Variants in UBR1 observed in about 807,000 individuals in gnomAD.
UBR1 encodes ubiquitin protein ligase E3 component n-recognin 1.
In UBR1, 102 loss-of-function variants were observed where a neutral mutation model predicts 242.1. The ratio of observed to expected loss-of-function variants is 0.42; its 90% CI spans 0.36 to 0.50. UBR1 has a LOEUF of 0.50. UBR1 is among the 20% of genes least tolerant of loss of function. The probability of loss-of-function intolerance (pLI) is 0.01; values close to 1 mark genes in which losing one functional copy is unlikely to be tolerated. For synonymous variants in UBR1, 675 were observed against 684.8 expected, an observed-to-expected ratio of 0.99 and a Z score of 0.22; for missense variants, 1,772 against 2,101.8, an observed-to-expected ratio of 0.84 and a Z score of 3.07.
At chr15:42,956,194 G>T (rs1055602504) in intron 44 of UBR1, among the ~76,000 whole-genome samples, 1 of 152,152 alleles carries the variant, frequency 6.6e-6, no homozygotes, top group Non-Finnish European at 1.5e-5. Flanking sequence ...TTTAATAACG[G>T]TTCTTGTGGC....
chr15:43,074,845 A>C (rs2033867948), intron 4 of UBR1, 134 bp downstream of exon 4: 1 of 710,752 alleles, frequency 1.4e-6, no homozygotes, highest in Non-Finnish European at 2.5e-6. Context: ...GCTAGAAAAA[A>C]AGCCTCCTTA....
chr15:43,012,537 G>A (rs1272094694), intron 29 of UBR1, among the ~76,000 whole-genome samples: 1 of 152,146 alleles, frequency 6.6e-6, no homozygotes, highest in African/African-American at 2.4e-5. Context: ...AAAATCACAT[G>A]TCCAATTAAT....
At chr15:43,030,203 T>C (rs1288496152) in intron 20 of UBR1, 135 bp from the exon 21 acceptor site, 3 of 989,368 alleles carry the variant, frequency 3.0e-6, no homozygotes, top group Non-Finnish European at 4.5e-6. Context: ...GTTATTTGAA[T>C]GTGTTCCCAA....
chr15:43,093,468 ATAT>A (rs1421606286), intron 1 of UBR1, among the ~76,000 whole-genome samples: 1 of 152,160 alleles, frequency 6.6e-6, no homozygotes, highest in Non-Finnish European at 1.5e-5. Flanking sequence ...TTTTCTTCTA[ATAT>A]TATTCTACAG....
intron 27 of UBR1, among the ~76,000 whole-genome samples, chr15:43,018,680 T>C (rs1287616759): frequency 6.6e-6 from 1 of 152,192 alleles, no homozygotes; most frequent in African/African-American, 2.4e-5. Flanking sequence ...TGTGAGTCAC[T>C]GTGCCCAGTA....
rs2032063053 is a variant in UBR1, at chr15:42,963,929, T to A, written c.4700+6A>T. On this transcript the variant is annotated splice_donor_region_variant and intron_variant, in intron 42 of 46. Coordinates refer to ENST00000290650, the MANE Select transcript of UBR1 (RefSeq NM_174916.3). ...ACCCAACAACAATATTTTATCCCCA[T>A]AGTACCTCTGGAGCAAGGGCCTTAC... The A allele has an allele frequency of 1.3e-6, 2 of 1,588,152 alleles. No individual in the cohort carries two copies. The highest frequency in any genetic ancestry group is 2.2e-5 in the South Asian group (2 of 90,522).
chr15:42,996,839 A>T (rs2032648666), intron 33 of UBR1, among the ~76,000 whole-genome samples: 1 of 152,242 alleles, frequency 6.6e-6, no homozygotes, highest in South Asian at 2.1e-4. Flanking sequence ...TATTTTGAGT[A>T]GAATACCTAG....
At chr15:42,961,547 C>T (rs757579506) in intron 42 of UBR1, among the ~76,000 whole-genome samples, 2 of 151,758 alleles carry the variant, frequency 1.3e-5, no homozygotes, top group Admixed American at 6.6e-5. Flanking sequence ...CCTCAGCTCC[C>T]GAGCAGCTGG....
Position 43,025,002 on chromosome 15 carries a change from G to C in UBR1, c.2585-19C>G. The C allele has an allele frequency of 6.2e-7, 1 of 1,613,348 alleles. No individual in the cohort carries two copies. The highest frequency in any genetic ancestry group is 8.5e-7 in the Non-Finnish European group (1 of 1,179,386). On this transcript the variant is annotated intron_variant, in intron 24 of 46. Transcript: ENST00000290650. ...GGCAATGCTATAGGAGGTGGGGAAT[G>C]GATGGGGAAAGAGACAAACAGGTAC... is the stretch of plus-strand genomic sequence containing the variant.
At chr15:43,051,913 G>C (rs2033561658) in intron 12 of UBR1, among the ~76,000 whole-genome samples, 1 of 152,142 alleles carries the variant, frequency 6.6e-6, no homozygotes. Flanking sequence ...CAAAGGAATA[G>C]GTTAGAGTAA....
Position 43,048,372 on chromosome 15 carries a change from G to A in UBR1, c.1539+20C>T, listed in dbSNP as rs748548391. The A allele has an allele frequency of 1.2e-5, 19 of 1,575,102 alleles. No individual in the cohort carries two copies. The Admixed American group carries it at 1.4e-4, about 11-fold the overall frequency. ...TTAAAAATAAATTTCTTTTACTGATGTACAGAAAAATGATCATACCTGCAT... is the reference window on the plus strand; with the variant it reads ...TTAAAAATAAATTTCTTTTACTGATATACAGAAAAATGATCATACCTGCAT... On this transcript the variant is annotated intron_variant, in intron 13 of 46. Transcript: ENST00000290650.
intron 44 of UBR1, among the ~76,000 whole-genome samples, chr15:42,957,397 T>C (rs547015255): frequency 6.6e-6 from 1 of 152,154 alleles, no homozygotes; most frequent in East Asian, 1.9e-4. Flanking sequence ...GATTAGTGAG[T>C]ACAAGGTGAC....
intron 31 of UBR1, 102 bp from the exon 32 acceptor site, chr15:43,002,806 T>A: frequency 6.7e-7 from 1 of 1,490,034 alleles, no homozygotes; most frequent in Non-Finnish European, 9.3e-7. Flanking sequence ...CTGGAATTTT[T>A]GCCCCAATAA....
chr15:42,973,471 A>G (rs1007454742), intron 39 of UBR1, among the ~76,000 whole-genome samples: 2 of 151,906 alleles, frequency 1.3e-5, no homozygotes, highest in Non-Finnish European at 2.9e-5. Context: ...ATTTTTGTAC[A>G]TTTAGTACAG....
chr15:43,067,335 G>A (rs1276742143), intron 6 of UBR1, among the ~76,000 whole-genome samples: 1 of 151,966 alleles, frequency 6.6e-6, no homozygotes, highest in Non-Finnish European at 1.5e-5. Context: ...ATTAAACCAT[G>A]CGGTTTTTAA....
intron 43 of UBR1, 81 bp downstream of exon 43, chr15:42,960,564 A>G: frequency 7.2e-7 from 1 of 1,390,134 alleles, no homozygotes; most frequent in Non-Finnish European, 1.0e-6. Flanking sequence ...AAAGCAGACT[A>G]GAAACTATGC....
intron 37 of UBR1, among the ~76,000 whole-genome samples, chr15:42,981,867 T>C (rs1347192956): frequency 6.6e-6 from 1 of 152,202 alleles, no homozygotes; most frequent in Non-Finnish European, 1.5e-5. Flanking sequence ...GCAAGGAACA[T>C]ATCTGATAGC....
chr15:43,016,678 G>C (rs1310135219), intron 28 of UBR1, among the ~76,000 whole-genome samples: 1 of 152,188 alleles, frequency 6.6e-6, no homozygotes, highest in African/African-American at 2.4e-5. Flanking sequence ...CTGGGTTCAA[G>C]TGATTTTCGT....
intron 39 of UBR1, among the ~76,000 whole-genome samples, chr15:42,970,897 T>A (rs1461772016): frequency 6.6e-6 from 1 of 152,168 alleles, no homozygotes; most frequent in Non-Finnish European, 1.5e-5. Context: ...TAATTTTGTA[T>A]TTTTAGTGTG....
Sources: gnomAD v4.1 joint callset for allele counts (sites outside exome capture counted in the v4.1 genomes callset) on GRCh38, gnomAD v4.1.1 for gene constraint, MANE v1.5 for transcripts, NCBI Gene and HGNC (gene_info 2026-07-23, HGNC 2026-07-21) for gene names.